Variants in PPP1R3B observed in about 807,000 individuals in gnomAD.
The protein encoded by PPP1R3B is protein phosphatase 1 regulatory subunit 3B, also known as PP1 subunit R4.
In PPP1R3B, 8 loss-of-function variants were observed where a neutral mutation model predicts 14.6. That is an observed-to-expected ratio of 0.55 (90% confidence interval 0.32 to 0.99). The LOEUF is 0.99. Ranked by LOEUF, PPP1R3B falls within the 50% of genes least tolerant of loss-of-function variation. The probability of loss-of-function intolerance (pLI) is 0.04; values close to 1 mark genes in which losing one functional copy is unlikely to be tolerated. For synonymous variants in PPP1R3B, 169 were observed against 142.0 expected (o/e 1.19, Z -1.35); for missense variants, 452 against 360.1 (o/e 1.26, Z -2.07).
chr8:9,139,093 T>A lies in PPP1R3B; in HGVS notation c.*1701A>T, dbSNP rs1800985007. ...CCACCACACTCAGCTAAATTTTGTATTTTTAGTACAGACGAGGTTTCACCA... is the reference window on the plus strand; with the variant it reads ...CCACCACACTCAGCTAAATTTTGTAATTTTAGTACAGACGAGGTTTCACCA... On this transcript the variant is annotated 3_prime_UTR_variant, in exon 2 of 2. Transcript: ENST00000310455. 6.6e-6 allele frequency: 1 copy of A among 152,180 alleles called. No homozygotes were observed. The allele number at this position is 152,180 out of a possible 1,614,324, so 9.4% of individuals were successfully genotyped here.
intron 1 of PPP1R3B, among the ~76,000 whole-genome samples, chr8:9,142,745 T>C (rs1801127283): frequency 6.6e-6 from 1 of 152,154 alleles, no homozygotes; most frequent in Non-Finnish European, 1.5e-5. Flanking sequence ...AGATTCCACA[T>C]ATAAGTGAGA....
chr8:9,144,853 C>T (rs2117611283), intron 1 of PPP1R3B, among the ~76,000 whole-genome samples: 1 of 152,298 alleles, frequency 6.6e-6, no homozygotes, highest in African/African-American at 2.4e-5. Flanking sequence ...TCAAGTGATT[C>T]TCCTGCCTTA....
intron 1 of PPP1R3B, among the ~76,000 whole-genome samples, chr8:9,145,632 C>T (rs1036242860): frequency 6.6e-6 from 1 of 152,044 alleles, no homozygotes; most frequent in Non-Finnish European, 1.5e-5. Context: ...CCCCTAGACT[C>T]CATGTTGTCC....
rs915735117 is a variant in PPP1R3B, at chr8:9,139,479, T to C, written c.*1315A>G. 6.6e-5 allele frequency: 10 copies of C among 152,242 alleles called. No individual in the cohort carries two copies. The highest frequency in any genetic ancestry group is 2.2e-4 in the African/African-American group (9 of 41,468). 9.4% of individuals were successfully genotyped at this position (152,242 alleles called of 1,614,324 possible). On this transcript the variant is annotated 3_prime_UTR_variant, in exon 2 of 2. Coordinates refer to ENST00000310455, the MANE Select transcript of PPP1R3B (RefSeq NM_024607.4). Reference sequence around the variant, plus strand: ...ATTTTCTGAAGGTTTCGAGGAGATATTGGATATGCAAATCAAATGTCCTAA... The same window carrying C: ...ATTTTCTGAAGGTTTCGAGGAGATACTGGATATGCAAATCAAATGTCCTAA...
chr8:9,145,516 T>C (rs973354147), intron 1 of PPP1R3B: 2 of 152,236 alleles, frequency 1.3e-5, no homozygotes, highest in Non-Finnish European at 2.9e-5. Context: ...GTTAATCGAC[T>C]GTTGATGTTA....
chr8:9,147,609 A>G (rs1219601810), intron 1 of PPP1R3B, among the ~76,000 whole-genome samples: 1 of 152,068 alleles, frequency 6.6e-6, no homozygotes, highest in Non-Finnish European at 1.5e-5. Flanking sequence ...CACTAGAGCC[A>G]ATGTCCCAAG....
In PPP1R3B at chr8:9,141,652, G is replaced by A. The variant is rs369097249; in HGVS notation, c.-1C>T. The A allele has an allele frequency of 2.0e-5, 33 of 1,612,776 alleles. No individual in the cohort carries two copies. The South Asian group carries it at 2.2e-4, about 11-fold the overall frequency. On this transcript the variant is annotated 5_prime_UTR_variant, in exon 2 of 2. Coordinates refer to ENST00000310455, the MANE Select transcript of PPP1R3B (RefSeq NM_024607.4). ...TGTACTCGATGTCCACAGCCATCATGGGGCTAGATGAACAGGCTAGAACCG... is the reference window on the plus strand; with the variant it reads ...TGTACTCGATGTCCACAGCCATCATAGGGCTAGATGAACAGGCTAGAACCG...
intron 1 of PPP1R3B, among the ~76,000 whole-genome samples, chr8:9,143,445 G>A (rs1409240612): frequency 3.3e-5 from 5 of 152,208 alleles, no homozygotes; most frequent in Non-Finnish European, 7.3e-5. Context: ...GCTCACGCCT[G>A]TAATCCCAAC....
At position 9,138,945 on chromosome 8, in the gene PPP1R3B, G is replaced by C. The variant is rs890869832; in HGVS notation, c.*1849C>G. The C allele has an allele frequency of 3.3e-5, 5 of 152,146 alleles. No homozygotes were observed. The highest frequency in any genetic ancestry group is 7.3e-5 in the Non-Finnish European group (5 of 68,048). The allele number at this position is 152,146 out of a possible 1,614,324, so 9.4% of individuals were successfully genotyped here. On this transcript the variant is annotated 3_prime_UTR_variant, in exon 2 of 2. Transcript: ENST00000310455. ...CCGGAAGTCTCTCTTTTTTGAGACA[G>C]TTTCACTCTGTCGCTCAGGCTGAAA... is the stretch of plus-strand genomic sequence containing the variant.
At chr8:9,143,626 T>TGG (rs1801154151) in intron 1 of PPP1R3B, among the ~76,000 whole-genome samples, 1 of 152,142 alleles carries the variant, frequency 6.6e-6, no homozygotes, top group Admixed American at 6.5e-5. Context: ...TGCTTGAACC[T>TGG]GGGAGGCGGA....
At position 9,141,209 on chromosome 8, in the gene PPP1R3B, G is replaced by T. The variant is rs773965543; in HGVS notation, c.443C>A (p.Thr148Asn). 3 of 1,614,014 alleles carry T rather than the reference G, an allele frequency of 1.9e-6. No individual in the cohort carries two copies. In the African/African-American group the frequency reaches 4.0e-5, roughly 22 times the overall value. The change falls in exon 2 of 2, where the codon ACT becomes AAT. Residue 148 changes from threonine to asparagine, a missense_variant. Transcript: ENST00000310455. ...CVLKDKAIAG[T>N]VKVQNLAFEK... ...AAATGCGAGGTTCTGAACCTTCACA[G>T]TGCCTGCAATGGCCTTGTCCTTGAG... is the stretch of plus-strand genomic sequence containing the variant.
chr8:9,148,639 G>A (rs1310362719), intron 1 of PPP1R3B, among the ~76,000 whole-genome samples: 9 of 152,316 alleles, frequency 5.9e-5, no homozygotes, highest in African/African-American at 2.2e-4. Context: ...AACAGATCAT[G>A]GAGATAGTTT....
At chr8:9,143,656 C>A (rs1801155164) in intron 1 of PPP1R3B, among the ~76,000 whole-genome samples, 1 of 151,974 alleles carries the variant, frequency 6.6e-6, no homozygotes, top group Non-Finnish European at 1.5e-5. Context: ...GTGCAGAGAT[C>A]ACACACTCCA....
chr8:9,146,335 T>C (rs1400376280), intron 1 of PPP1R3B, among the ~76,000 whole-genome samples: 1 of 152,100 alleles, frequency 6.6e-6, no homozygotes, highest in Admixed American at 6.6e-5. Context: ...CAGGTGTAGG[T>C]GTGTGATGAC....
chr8:9,137,924 T>C lies in PPP1R3B; in HGVS notation c.*2870A>G, dbSNP rs1364013453. 1 of 152,162 alleles carries C rather than the reference T, an allele frequency of 6.6e-6. No homozygotes were observed. Among genetic ancestry groups the C allele is most frequent in the East Asian group, 1.9e-4 (1 of 5,198 alleles). The allele number at this position is 152,162 out of a possible 1,614,324, so 9.4% of individuals were successfully genotyped here. ...GGTAGTGGGGAGGGTTTACGGCTGC[T>C]TTAGAAGAGATAGTTATCACTGAAT... On this transcript the variant is annotated 3_prime_UTR_variant, in exon 2 of 2. Coordinates refer to ENST00000310455, the MANE Select transcript of PPP1R3B (RefSeq NM_024607.4).
rs780540527 is a variant in PPP1R3B at position 9,141,009 on chromosome 8, C to T, written c.643G>A (p.Glu215Lys). Residue 215 changes from glutamate to lysine, a missense_variant, in exon 2 of 2, where the codon GAG becomes AAG. Physicochemically the swap from Glu to Lys is moderately conservative, Grantham distance 56. Transcript: ENST00000310455. ...YERMEFAVYY[E>K]CNGQTYWDSN... ...TCCCAGTACGTCTGTCCATTGCACTCGTAGTACACAGCAAACTCCATTCTT... is the reference window on the plus strand; with the variant it reads ...TCCCAGTACGTCTGTCCATTGCACTTGTAGTACACAGCAAACTCCATTCTT... 9 of 1,614,196 alleles carry T rather than the reference C, an allele frequency of 5.6e-6. No homozygotes were observed. The highest frequency in any genetic ancestry group is 2.2e-5 in the East Asian group (1 of 44,886).
In PPP1R3B at chr8:9,138,223, A is replaced by G. The variant is rs191921313; in HGVS notation, c.*2571T>C. The G allele has an allele frequency of 4.6e-4, 70 of 152,316 alleles. No individual in the cohort carries two copies. The highest frequency in any genetic ancestry group is 2.4e-4 in the Non-Finnish European group (16 of 68,028). The allele number at this position is 152,316 out of a possible 1,614,324, so 9.4% of individuals were successfully genotyped here. On this transcript the variant is annotated 3_prime_UTR_variant, in exon 2 of 2. Coordinates refer to ENST00000310455, the MANE Select transcript of PPP1R3B (RefSeq NM_024607.4). ...ATTAATAGTTCTGATCACCAAATTT[A>G]TAACATTTAAAGTACTGTCTGTTAC...
chr8:9,141,545 G>A lies in PPP1R3B; in HGVS notation c.107C>T (p.Pro36Leu), dbSNP rs2117602956. The A allele has an allele frequency of 3.7e-6, 6 of 1,614,108 alleles. No individual in the cohort carries two copies. Among genetic ancestry groups the A allele is most frequent in the Non-Finnish European group, 5.1e-6 (6 of 1,180,034 alleles). Residue 36 changes from proline to leucine, a missense_variant, in exon 2 of 2, where the codon CCT becomes CTT. By Grantham distance (98) the Pro-to-Leu change is moderately conservative. Coordinates refer to ENST00000310455, the MANE Select transcript of PPP1R3B (RefSeq NM_024607.4). Reference sequence around the variant, plus strand: ...ATTCTTGCTGCTCAGCTGAATACAAGGCCTCAGTGGTTTGCTGGGCTTTGG... The same window carrying A: ...ATTCTTGCTGCTCAGCTGAATACAAAGCCTCAGTGGTTTGCTGGGCTTTGG... Reference protein sequence around the residue: ...ISPKPSKPLRPCIQLSSKNEA... With the variant: ...ISPKPSKPLRLCIQLSSKNEA...
At chr8:9,147,690 A>T (rs1331356414) in intron 1 of PPP1R3B, among the ~76,000 whole-genome samples, 1 of 151,906 alleles carries the variant, frequency 6.6e-6, no homozygotes, top group Non-Finnish European at 1.5e-5. Context: ...CCCCAGTGGC[A>T]TAAATTTGTC....
Sources: allele counts gnomAD v4.1 joint callset (sites outside exome capture counted in the v4.1 genomes callset), GRCh38; gene constraint gnomAD v4.1.1; transcripts MANE v1.5; gene names NCBI Gene and HGNC (gene_info 2026-07-23, HGNC 2026-07-21).